CPM: variants seen among roughly 807,000 people sequenced by gnomAD.
CPM encodes the protein renal carboxypeptidase.
A neutral mutation model predicts 46.4 loss-of-function variants in CPM; 35 were observed. The ratio of observed to expected loss-of-function variants is 0.75; its 90% confidence interval spans 0.58 to 1.00. The LOEUF is 1.00. Ranked by LOEUF, CPM falls within the 50% of genes least tolerant of loss-of-function variation. The probability of loss-of-function intolerance (pLI) is 0.00; values close to 1 mark genes in which losing one functional copy is unlikely to be tolerated. For missense variants in CPM, 422 were observed against 530.4 expected (o/e 0.80, Z 2.01); for synonymous variants, 195 against 195.3 (o/e 1.00, Z 0.01).
intron 2 of CPM, among the ~76,000 whole-genome samples, chr12:68,927,177 C>G (rs566825610): frequency 5.3e-5 from 8 of 151,412 alleles, no homozygotes; most frequent in South Asian, 2.1e-4. Flanking sequence ...TACAGTCCCA[C>G]CAACAGTGTA....
intron 1 of CPM, among the ~76,000 whole-genome samples, chr12:68,943,866 GA>G (rs976428399): frequency 6.6e-6 from 1 of 151,306 alleles, no homozygotes; most frequent in Non-Finnish European, 1.5e-5. Context: ...ACCATTTCTG[GA>G]TTTTTTTTTT....
intron 2 of CPM, among the ~76,000 whole-genome samples, chr12:68,909,912 C>T (rs1341226204): frequency 6.6e-6 from 1 of 151,582 alleles, no homozygotes; most frequent in African/African-American, 2.4e-5. Context: ...GTGCAGCAAA[C>T]CACCATGGCA....
rs572738323 is a variant in CPM, at chr12:68,950,911, C to T, written c.-4+12258G>A. Among the ~76,000 whole-genome samples the T allele has an allele frequency of 4.6e-5, 7 of 152,352 alleles. No homozygotes were observed. The South Asian group carries it at 1.4e-3, about 32-fold the overall frequency. ...CTTCATGTCCATCTTTCCTTGCCAA[C>T]TACCTTCCCTGCAGACTGCAGACCC... On this transcript the variant is annotated intron_variant, in intron 1 of 8. Coordinates refer to the CPM transcript ENST00000546373.
chr12:68,960,404 C>T (rs771915809), intron 1 of CPM, among the ~76,000 whole-genome samples: 6 of 152,126 alleles, frequency 3.9e-5, no homozygotes, highest in South Asian at 2.1e-4. Context: ...CTCTCTGAAA[C>T]GTGGATGTAA....
rs1885881841 is a variant in CPM, at chr12:68,875,061, A to G, written c.259-3105T>C. Among the ~76,000 whole-genome samples the G allele has an allele frequency of 2.0e-5, 3 of 152,108 alleles. No individual in the cohort carries two copies. In the South Asian group the frequency reaches 6.2e-4, roughly 31 times the overall value. Reference sequence around the variant, plus strand: ...TAGTATGGGTATAGAACAAAATATAAAAGTTGAGGCCGGGCACGGTGGCTC... The same window carrying G: ...TAGTATGGGTATAGAACAAAATATAGAAGTTGAGGCCGGGCACGGTGGCTC... On this transcript the variant is annotated intron_variant, in intron 3 of 8. Coordinates refer to ENST00000551568, the MANE Select transcript of CPM (RefSeq NM_198320.5).
Position 68,856,522 on chromosome 12 carries a change from T to C in CPM, c.1247A>G (p.Tyr416Cys), listed in dbSNP as rs1357919158. The change falls in exon 9 of 9, where the codon TAC becomes TGC. Residue 416 changes from tyrosine to cysteine, a missense_variant. Tyr to Cys is a radical substitution (Grantham distance 194). Transcript: ENST00000551568. ...AGCTGAGTGGTCTGGCAAATTTCTG[T>C]ATAGAGGAATCATTGGGCATGAAGG... ...SNPSCPMIPL[Y>C]RNLPDHSAAT... is the part of the protein sequence containing the mutation. 1 of 1,614,078 alleles carries C rather than the reference T, an allele frequency of 6.2e-7. No individual in the cohort carries two copies. Among genetic ancestry groups the C allele is most frequent in the East Asian group, 2.2e-5 (1 of 44,902 alleles).
Position 68,889,268 on chromosome 12 carries a change from C to T in CPM, c.161-3379G>A, listed in dbSNP as rs556120195. Among the ~76,000 whole-genome samples the T allele has an allele frequency of 2.0e-5, 3 of 152,258 alleles. No individual in the cohort carries two copies. In the South Asian group the frequency reaches 6.2e-4, roughly 32 times the overall value. Reference sequence around the variant, plus strand: ...ACATGTTTATATGTTAAGAAGTATACTTCTAATCCACCTTTTTAAATGGCT... The same window carrying T: ...ACATGTTTATATGTTAAGAAGTATATTTCTAATCCACCTTTTTAAATGGCT... On this transcript the variant is annotated intron_variant, in intron 2 of 8. Coordinates refer to ENST00000551568, the MANE Select transcript of CPM (RefSeq NM_198320.5).
At chr12:68,856,791 C>T (rs1884994146) in intron 8 of CPM, 112 bp from the exon 9 acceptor site, 2 of 1,375,296 alleles carry the variant, frequency 1.5e-6, no homozygotes, top group African/African-American at 1.4e-5. Flanking sequence ...ATGCATGTAA[C>T]AATCTACCAG....
chr12:68,886,297 A>G (rs1172486174), intron 2 of CPM, among the ~76,000 whole-genome samples: 1 of 145,860 alleles, frequency 6.9e-6, no homozygotes, highest in Non-Finnish European at 1.5e-5. Context: ...GGAGGGTGTC[A>G]TAACTCGCAG....
At chr12:68,885,914 G>A (rs1373616688) in intron 2 of CPM, 25 bp from the exon 3 acceptor site, 2 of 1,589,416 alleles carry the variant, frequency 1.3e-6, no homozygotes, top group East Asian at 2.2e-5. Context: ...AAGAAAAGAT[G>A]GAAAAGTAAG....
intron 3 of CPM, among the ~76,000 whole-genome samples, chr12:68,875,304 T>C (rs948293961): frequency 5.9e-5 from 9 of 151,432 alleles, no homozygotes; most frequent in African/African-American, 2.2e-4. Flanking sequence ...TGAGCCGAGA[T>C]TGTGCCATTG....
At chr12:68,930,163 C>T (rs1888440865) in intron 2 of CPM, among the ~76,000 whole-genome samples, 1 of 152,324 alleles carries the variant, frequency 6.6e-6, no homozygotes, top group South Asian at 2.1e-4. Context: ...CCACTGCAAC[C>T]TCTGCCTCCT....
chr12:68,846,965 C>T (rs1884336457), downstream of CPM: 1 of 151,536 alleles, frequency 6.6e-6, no homozygotes. Context: ...CTTGAATTAA[C>T]CCCTACTCCA....
chr12:68,861,407 C>T (rs966764814), intron 7 of CPM, among the ~76,000 whole-genome samples: 7 of 152,156 alleles, frequency 4.6e-5, no homozygotes, highest in Non-Finnish European at 1.0e-4. Context: ...GTAACTTGTG[C>T]TGGATGGTGT....
Position 68,866,502 on chromosome 12 carries a change from C to T in CPM, c.940+394G>A, listed in dbSNP as rs1375398297. On this transcript the variant is annotated intron_variant, in intron 7 of 8. Transcript: ENST00000551568. ...GGGACTACAGGCGTGTGCCACCACG[C>T]CTGGCTAATTTTTGTATTTTCAGTA... Among the ~76,000 whole-genome samples the T allele has an allele frequency of 2.0e-5, 3 of 152,062 alleles. No homozygotes were observed. In the East Asian group the frequency reaches 5.8e-4, roughly 29 times the overall value.
At chr12:68,960,565 T>C (rs1889094184) in intron 1 of CPM, among the ~76,000 whole-genome samples, 1 of 152,162 alleles carries the variant, frequency 6.6e-6, no homozygotes. Flanking sequence ...GTACGACCCT[T>C]CCCACTGCTG....
intron 1 of CPM, among the ~76,000 whole-genome samples, chr12:68,943,886 C>T (rs867570075): frequency 8.0e-5 from 12 of 150,606 alleles, no homozygotes; most frequent in African/African-American, 2.4e-4. Context: ...TTTTTAAAAA[C>T]TGTATATTTG....
upstream of CPM, among the ~76,000 whole-genome samples, chr12:68,933,628 GA>G (rs1460652525): frequency 6.6e-6 from 1 of 152,046 alleles, no homozygotes; most frequent in Non-Finnish European, 1.5e-5. Flanking sequence ...TGAGTGCCCT[GA>G]GCCCCGCGCG....
In CPM at chr12:68,870,210, C is replaced by A. The variant is rs1232097046; in HGVS notation, c.616+5G>T. 1 of 1,611,694 alleles carries A rather than the reference C, an allele frequency of 6.2e-7. No individual in the cohort carries two copies. The highest frequency in any genetic ancestry group is 1.7e-5 in the Admixed American group (1 of 59,614). On this transcript the variant is annotated splice_donor_5th_base_variant and intron_variant, in intron 5 of 8. Transcript: ENST00000551568. ...GAAGCCAGAACTGGACCCGCACCTG[C>A]TTACCTTGAACACCATTATCAAATG...
Sources: allele counts gnomAD v4.1 joint callset (sites outside exome capture counted in the v4.1 genomes callset), GRCh38; gene constraint gnomAD v4.1.1; transcripts MANE v1.5; gene names NCBI Gene and HGNC (gene_info 2026-07-23, HGNC 2026-07-21).